Variants in PDZRN3 observed in about 807,000 individuals in gnomAD.
PDZRN3 encodes PDZ domain containing ring finger 3, also known as E3 ubiquitin-protein ligase PDZRN3.
In PDZRN3, 38 loss-of-function variants were observed where a neutral mutation model predicts 85.7. The ratio of observed to expected loss-of-function variants is 0.44; its 90% CI spans 0.34 to 0.58. The LOEUF (loss-of-function observed/expected upper bound fraction) is 0.58, where lower values mean the gene tolerates loss of function less well. Among genes scored for constraint, PDZRN3 ranks in the 20% least tolerant of loss-of-function variants. PDZRN3 has a pLI of 0.01. For synonymous variants in PDZRN3, 759 were observed against 638.0 expected, an observed-to-expected ratio of 1.19 and a Z score of -2.86; for missense variants, 1,629 against 1,506.4, an observed-to-expected ratio of 1.08 and a Z score of -1.35.
chr3:73,563,013 A>ATATATATAT (rs1187151191), intron 3 of PDZRN3, among the ~76,000 whole-genome samples: 2 of 43,762 alleles, frequency 4.6e-5, no homozygotes, highest in Admixed American at 4.2e-4. Flanking sequence ...ATATATATAT[A>ATATATATAT]TTTTTTTTTT....
At chr3:73,511,361 A>G (rs1485582364) in intron 3 of PDZRN3, among the ~76,000 whole-genome samples, 1 of 152,108 alleles carries the variant, frequency 6.6e-6, no homozygotes, top group East Asian at 1.9e-4. Context: ...AAAAAAGATC[A>G]TCCTTTATAA....
chr3:73,414,072 T>G (rs1403877016), intron 3 of PDZRN3, among the ~76,000 whole-genome samples: 1 of 151,608 alleles, frequency 6.6e-6, no homozygotes, highest in Non-Finnish European at 1.5e-5. Flanking sequence ...GCCCCTGGGA[T>G]GGAATGGCAT....
chr3:73,595,588 AT>A (rs1215546824), intron 3 of PDZRN3, among the ~76,000 whole-genome samples: 2 of 152,164 alleles, frequency 1.3e-5, no homozygotes, highest in Admixed American at 6.6e-5. Flanking sequence ...TTTACAGCAT[AT>A]TTTTTCTCCA....
intron 3 of PDZRN3, among the ~76,000 whole-genome samples, chr3:73,560,878 C>T (rs1196040179): frequency 6.6e-6 from 1 of 152,154 alleles, no homozygotes; most frequent in Non-Finnish European, 1.5e-5. Flanking sequence ...ACGGCTCGTG[C>T]ACATGAAATG....
chr3:73,400,283 C>T (rs555193858), intron 5 of PDZRN3, among the ~76,000 whole-genome samples: 3 of 152,192 alleles, frequency 2.0e-5, no homozygotes, highest in African/African-American at 7.2e-5. Flanking sequence ...TTCTATCACC[C>T]TTAATAAAAG....
intron 3 of PDZRN3, among the ~76,000 whole-genome samples, chr3:73,598,586 G>C (rs1191438788): frequency 6.6e-6 from 1 of 152,102 alleles, no homozygotes; most frequent in African/African-American, 2.4e-5. Flanking sequence ...ACAAGCCCAG[G>C]GCAGATGGAC....
At chr3:73,484,219 A>T (rs1217216218) in intron 3 of PDZRN3, among the ~76,000 whole-genome samples, 1 of 152,202 alleles carries the variant, frequency 6.6e-6, no homozygotes, top group Non-Finnish European at 1.5e-5. Context: ...AAAGGCAAAG[A>T]GGAGGAGAAG....
intron 5 of PDZRN3, among the ~76,000 whole-genome samples, chr3:73,391,964 G>A (rs73838521): frequency 0.045 from 6,882 of 152,190 alleles, 169 homozygotes; most frequent in African/African-American, 0.08. Flanking sequence ...TGCTCACCAA[G>A]CAGGAGAATG....
At chr3:73,443,882 A>G (rs1702696688) in intron 3 of PDZRN3, among the ~76,000 whole-genome samples, 1 of 152,188 alleles carries the variant, frequency 6.6e-6, no homozygotes, top group Non-Finnish European at 1.5e-5. Context: ...GAAAATCAGC[A>G]TCATTTGCTA....
At chr3:73,543,862 GTTA>G (rs904350667) in intron 3 of PDZRN3, among the ~76,000 whole-genome samples, 4 of 152,168 alleles carry the variant, frequency 2.6e-5, no homozygotes, top group African/African-American at 9.7e-5. Flanking sequence ...AGTTTTAGCT[GTTA>G]TTATCAAAAT....
intron 3 of PDZRN3, among the ~76,000 whole-genome samples, chr3:73,590,883 G>T (rs1266803307): frequency 1.3e-5 from 2 of 152,038 alleles, no homozygotes; most frequent in African/African-American, 2.4e-5. Context: ...TCTATTTTAC[G>T]TGAAGTTCTC....
At chr3:73,496,652 C>T (rs760882580) in intron 3 of PDZRN3, among the ~76,000 whole-genome samples, 2 of 151,584 alleles carry the variant, frequency 1.3e-5, no homozygotes, top group African/African-American at 2.4e-5. Context: ...AACATCCATC[C>T]ATATTCAAAT....
intron 1 of PDZRN3, among the ~76,000 whole-genome samples, chr3:73,614,384 A>G (rs2106912064): frequency 6.6e-6 from 1 of 152,292 alleles, no homozygotes; most frequent in East Asian, 1.9e-4. Context: ...ACATCTCCTA[A>G]TGAGTGTGGT....
intron 3 of PDZRN3, among the ~76,000 whole-genome samples, chr3:73,565,784 AAAAC>A (rs1009510247): frequency 1.0e-4 from 4 of 39,568 alleles, no homozygotes; most frequent in African/African-American, 2.3e-4. Flanking sequence ...CTAAAAATAC[AAAAC>A]ACACACACAC....
chr3:73,580,663 G>A (rs1281145550), intron 3 of PDZRN3, among the ~76,000 whole-genome samples: 1 of 152,200 alleles, frequency 6.6e-6, no homozygotes, highest in Non-Finnish European at 1.5e-5. Context: ...AGTAACAACA[G>A]AGCCTCTTCT....
At chr3:73,522,443 G>T (rs1459164046) in intron 3 of PDZRN3, among the ~76,000 whole-genome samples, 2 of 152,188 alleles carry the variant, frequency 1.3e-5, no homozygotes, top group African/African-American at 4.8e-5. Flanking sequence ...CCTCAGAAGG[G>T]TCTGCATTTA....
At chr3:73,568,924 A>G in intron 3 of PDZRN3, among the ~76,000 whole-genome samples, 1 of 152,178 alleles carries the variant, frequency 6.6e-6, no homozygotes, top group Non-Finnish European at 1.5e-5. Context: ...TCTTTAAGAG[A>G]GATTTGCACT....
chr3:73,508,172 A>G (rs1005714681), intron 3 of PDZRN3, among the ~76,000 whole-genome samples: 3 of 152,146 alleles, frequency 2.0e-5, no homozygotes, highest in African/African-American at 7.2e-5. Flanking sequence ...TGTACTTCAA[A>G]AAACCTCTCT....
chr3:73,589,808 C>A (rs542065050), intron 3 of PDZRN3, among the ~76,000 whole-genome samples: 110 of 152,236 alleles, frequency 7.2e-4, no homozygotes, highest in Admixed American at 2.8e-3. Context: ...AAGTGACTTA[C>A]ACAAAATGAA....
Sources: gnomAD v4.1 joint callset for allele counts (sites outside exome capture counted in the v4.1 genomes callset) on GRCh38, gnomAD v4.1.1 for gene constraint, MANE v1.5 for transcripts, NCBI Gene and HGNC (gene_info 2026-07-23, HGNC 2026-07-21) for gene names.